The following KIAA0408 variants were observed in gnomAD, a reference collection of about 807,000 sequenced individuals.
The protein encoded by KIAA0408 is uncharacterized protein KIAA0408.
A neutral mutation model predicts 60.9 loss-of-function variants in KIAA0408; 51 were observed. That is an observed-to-expected ratio of 0.84 (90% confidence interval 0.67 to 1.06). KIAA0408 has a LOEUF of 1.06. Ranked by LOEUF, KIAA0408 falls within the 50% of genes least tolerant of loss-of-function variation. The pLI is 0.00. For synonymous variants in KIAA0408, 304 were observed against 282.4 expected (o/e 1.08, Z -0.77); for missense variants, 787 against 833.9 (o/e 0.94, Z 0.69).
At position 127,447,444 on chromosome 6, in the gene KIAA0408, C is replaced by T; in HGVS notation, c.875G>A (p.Arg292Lys). The T allele has an allele frequency of 2.5e-6, 4 of 1,613,936 alleles. No individual in the cohort carries two copies. The South Asian group carries it at 4.4e-5, about 18-fold the overall frequency. The change falls in exon 5 of 6, where the codon AGG (arginine) becomes AAG (lysine). Residue 292 changes from arginine to lysine, a missense_variant. Arg to Lys is a conservative substitution (Grantham distance 26). Around this residue, in one of 3 missense-constraint regions of KIAA0408, gnomAD observed 640 missense variants for 681.3 expected, o/e 0.94. Coordinates refer to ENST00000483725, the MANE Select transcript of KIAA0408 (RefSeq NM_014702.5). ...SEQAYERWKE[R>K]LDHNSWVPHE... ...GGGCACCCAGCTGTTGTGGTCTAAC[C>T]TTTCCTTCCATCTTTCATAGGCTTG... is the stretch of plus-strand genomic sequence containing the variant.
At position 127,439,312 on chromosome 6, in the gene KIAA0408, G is replaced by GCA. The variant is rs1178586888; in HGVS notation, c.*4796_*4797insTG. 1 of 152,154 alleles carries GCA rather than the reference G, an allele frequency of 6.6e-6. No individual in the cohort carries two copies. Among genetic ancestry groups the GCA allele is most frequent in the Non-Finnish European group, 1.5e-5 (1 of 68,038 alleles). The allele number at this position is 152,154 out of a possible 1,614,324, so 9.4% of individuals were successfully genotyped here. On this transcript the variant is annotated 3_prime_UTR_variant, in exon 6 of 6. Coordinates refer to ENST00000483725, the MANE Select transcript of KIAA0408 (RefSeq NM_014702.5). ...AACTATTCTGATTCTTTTGAAGATT[G>GCA]AGGTCAGGATTCAGTTGACGCTAGA... is the stretch of plus-strand genomic sequence containing the variant.
chr6:127,457,994 A>G (rs770457223), intron 1 of KIAA0408, among the ~76,000 whole-genome samples: 2 of 152,188 alleles, frequency 1.3e-5, no homozygotes, highest in Non-Finnish European at 2.9e-5. Context: ...TCCTTTTGCT[A>G]AACATATCAC....
rs1234891311 is a variant in KIAA0408 at position 127,444,181 on chromosome 6, A to C, written c.2013T>G (p.Ser671=). The C allele has an allele frequency of 1.1e-5, 18 of 1,613,864 alleles. No individual in the cohort carries two copies. Among genetic ancestry groups the C allele is most frequent in the Non-Finnish European group, 1.5e-5 (18 of 1,179,894 alleles). Residue 671 remains serine, a synonymous_variant, in exon 6 of 6, where the codon TCT becomes TCG. Coordinates refer to ENST00000483725, the MANE Select transcript of KIAA0408 (RefSeq NM_014702.5). ...LPSRWASRSP[S]APPALRRTTH... is the part of the protein sequence containing the mutation. ...TAGTTCTCCGCAAGGCAGGGGGTGCAGATGGAGATCTGGATGCCCATCTGG... is the reference window on the plus strand; with the variant it reads ...TAGTTCTCCGCAAGGCAGGGGGTGCCGATGGAGATCTGGATGCCCATCTGG...
intron 2 of KIAA0408, among the ~76,000 whole-genome samples, chr6:127,453,624 A>C (rs1254694164): frequency 6.6e-6 from 1 of 152,148 alleles, no homozygotes; most frequent in Non-Finnish European, 1.5e-5. Context: ...GAAACATTAT[A>C]GAGTGACATT....
In KIAA0408 at chr6:127,443,388, T is replaced by A. The variant is rs1773136709; in HGVS notation, c.*721A>T. 1 of 152,154 alleles carries A rather than the reference T, an allele frequency of 6.6e-6. No homozygotes were observed. The highest frequency in any genetic ancestry group is 6.5e-5 in the Admixed American group (1 of 15,268). 9.4% of individuals were successfully genotyped at this position (152,154 alleles called of 1,614,324 possible). ...AGACTACCAAATAATATATAAAACA[T>A]TTATGAACATTTTATGCTTGCTTTA... On this transcript the variant is annotated 3_prime_UTR_variant, in exon 6 of 6. Transcript: ENST00000483725.
intron 4 of KIAA0408, among the ~76,000 whole-genome samples, chr6:127,448,471 T>C (rs1773243068): frequency 6.6e-6 from 1 of 152,198 alleles, no homozygotes; most frequent in African/African-American, 2.4e-5. Flanking sequence ...TCTTGAACCT[T>C]GTTCTAAAGT....
rs562517965 is a variant in KIAA0408, at chr6:127,448,817, A to G, written c.578+1005T>C. 1.3e-3 allele frequency among the ~76,000 whole-genome samples: 191 copies of G among 152,320 alleles called. 1 individual carries two copies. The highest frequency in any genetic ancestry group is 4.4e-3 in the African/African-American group (184 of 41,574). On this transcript the variant is annotated intron_variant, in intron 4 of 5. Coordinates refer to ENST00000483725, the MANE Select transcript of KIAA0408 (RefSeq NM_014702.5). Reference sequence around the variant, plus strand: ...AGCTTCCTAACAACTAATGAAAAATAAGGGAATGTAGGAAGCCTACTGACC... The same window carrying G: ...AGCTTCCTAACAACTAATGAAAAATGAGGGAATGTAGGAAGCCTACTGACC...
At position 127,440,930 on chromosome 6, in the gene KIAA0408, G is replaced by T. The variant is rs1022567961; in HGVS notation, c.*3179C>A. On this transcript the variant is annotated 3_prime_UTR_variant, in exon 6 of 6. Coordinates refer to ENST00000483725, the MANE Select transcript of KIAA0408 (RefSeq NM_014702.5). ...TAGAGATATTTTGGAAGAAGCTAGAGTGAACTGTGTACATATATGAGTTTA... is the reference window on the plus strand; with the variant it reads ...TAGAGATATTTTGGAAGAAGCTAGATTGAACTGTGTACATATATGAGTTTA... 1.3e-5 allele frequency: 2 copies of T among 152,126 alleles called. No homozygotes were observed. Among genetic ancestry groups the T allele is most frequent in the African/African-American group, 4.8e-5 (2 of 41,418 alleles). 9.4% of individuals were successfully genotyped at this position (152,126 alleles called of 1,614,324 possible).
chr6:127,447,311 G>T lies in KIAA0408; in HGVS notation c.1008C>A (p.Ile336=). 1 of 1,613,940 alleles carries T rather than the reference G, an allele frequency of 6.2e-7. No homozygotes were observed. The highest frequency in any genetic ancestry group is 8.5e-7 in the Non-Finnish European group (1 of 1,179,948). ...NEGKTSKDGI[I]FSSLVPEVKI... ...TGACTTCTGGTACCAAAGAGGAAAA[G>T]ATGATACCATCTTTCGAAGTTTTCC... Residue 336 remains isoleucine (I), a synonymous_variant, in exon 5 of 6, where the codon ATC becomes ATA. Coordinates refer to ENST00000483725, the MANE Select transcript of KIAA0408 (RefSeq NM_014702.5).
intron 1 of KIAA0408, among the ~76,000 whole-genome samples, chr6:127,455,009 T>C (rs1773368918): frequency 6.6e-6 from 1 of 152,128 alleles, no homozygotes; most frequent in Admixed American, 6.6e-5. Context: ...AAAATGGGGA[T>C]AGTCATAGAA....
chr6:127,443,229 T>G lies in KIAA0408; in HGVS notation c.*880A>C, dbSNP rs1773133984. The G allele has an allele frequency of 6.6e-6, 1 of 152,140 alleles. No homozygotes were observed. 9.4% of individuals were successfully genotyped at this position (152,140 alleles called of 1,614,324 possible). A position where few individuals can be genotyped will look rare whatever the true frequency, so the allele number is the denominator to read the frequency against. On this transcript the variant is annotated 3_prime_UTR_variant, in exon 6 of 6. Transcript: ENST00000483725. Reference sequence around the variant, plus strand: ...AAAACTAAAATTCAACATCATTCAGTTTCTTTTTGCATCCCATTTAGGAAA... The same window carrying G: ...AAAACTAAAATTCAACATCATTCAGGTTCTTTTTGCATCCCATTTAGGAAA...
rs892376545 is a variant in KIAA0408 at position 127,442,947 on chromosome 6, C to T, written c.*1162G>A. On this transcript the variant is annotated 3_prime_UTR_variant, in exon 6 of 6. Coordinates refer to ENST00000483725, the MANE Select transcript of KIAA0408 (RefSeq NM_014702.5). ...CAAACTGTAGCCAAAATACACATTT[C>T]TATTCCTGATGCTACTGTGGATGTC... 1 of 152,150 alleles carries T rather than the reference C, an allele frequency of 6.6e-6. No individual in the cohort carries two copies. Among genetic ancestry groups the T allele is most frequent in the African/African-American group, 2.4e-5 (1 of 41,446 alleles). The allele number at this position is 152,150 out of a possible 1,614,324, so 9.4% of individuals were successfully genotyped here.
Position 127,439,350 on chromosome 6 carries a change from T to G in KIAA0408, c.*4759A>C, listed in dbSNP as rs3938. ...AGTTGACGCTAGAGATGAATACTGA[T>G]TGGCTATTTATTGGTTTTACTTCAA... On this transcript the variant is annotated 3_prime_UTR_variant, in exon 6 of 6. Coordinates refer to ENST00000483725, the MANE Select transcript of KIAA0408 (RefSeq NM_014702.5). The G allele has an allele frequency of 0.55, 83,412 of 152,024 alleles. 23,785 individuals are homozygous for G. The highest frequency in any genetic ancestry group is 0.59 in the Non-Finnish European group (40,430 of 67,980). 9.4% of individuals were successfully genotyped at this position (152,024 alleles called of 1,614,324 possible). A position where few individuals can be genotyped will look rare whatever the true frequency, so the allele number is the denominator to read the frequency against.
At chr6:127,445,302 T>C (rs1773172236) in intron 5 of KIAA0408, among the ~76,000 whole-genome samples, 1 of 152,204 alleles carries the variant, frequency 6.6e-6, no homozygotes, top group Non-Finnish European at 1.5e-5. Flanking sequence ...TCTTGTTAGT[T>C]AACAAGAATT....
Position 127,440,267 on chromosome 6 carries a change from C to T in KIAA0408, c.*3842G>A, listed in dbSNP as rs1031277619. On this transcript the variant is annotated 3_prime_UTR_variant, in exon 6 of 6. Coordinates refer to ENST00000483725, the MANE Select transcript of KIAA0408 (RefSeq NM_014702.5). ...TTTGCCTTTTTTGCTTTGCAAAGCA[C>T]ATTTTCTTGTAGGAACATATTTTCA... 4 of 150,762 alleles carry T rather than the reference C, an allele frequency of 2.7e-5. No individual in the cohort carries two copies. The highest frequency in any genetic ancestry group is 5.9e-5 in the Non-Finnish European group (4 of 67,804). 9.3% of individuals were successfully genotyped at this position (150,762 alleles called of 1,614,324 possible).
chr6:127,448,296 C>A (rs980015425), intron 4 of KIAA0408, among the ~76,000 whole-genome samples: 1 of 151,768 alleles, frequency 6.6e-6, no homozygotes, highest in South Asian at 2.1e-4. Flanking sequence ...GAGTAAAAGG[C>A]ATATAGGATT....
At position 127,446,900 on chromosome 6, in the gene KIAA0408, C is replaced by G; in HGVS notation, c.1419G>C (p.Lys473Asn). ...HSCSKSSEDL[K>N]PCDTSSTHTG... ...TGTGAGTAGATGAGGTATCACAGGG[C>G]TTGAGATCCTCCGATGATTTTGAGC... The change falls in exon 5 of 6, where the codon AAG (lysine) becomes AAC (asparagine). Residue 473 changes from lysine to asparagine, a missense_variant. Physicochemically the swap from Lys to Asn is moderately conservative, Grantham distance 94. This residue lies in a region of KIAA0408 where 640 missense variants were observed against 681.3 expected (regional missense o/e 0.94). Transcript: ENST00000483725. 6.2e-7 allele frequency: 1 copy of G among 1,614,010 alleles called. No homozygotes were observed. The highest frequency in any genetic ancestry group is 8.5e-7 in the Non-Finnish European group (1 of 1,179,958).
chr6:127,452,259 AACAAAT>A (rs1250419097), intron 2 of KIAA0408, among the ~76,000 whole-genome samples: 2 of 152,196 alleles, frequency 1.3e-5, no homozygotes, highest in Admixed American at 6.6e-5. Context: ...ATAAATGTTA[AACAAAT>A]ACAATCTTTT....
At chr6:127,445,554 G>A (rs1773176773) in intron 5 of KIAA0408, among the ~76,000 whole-genome samples, 1 of 152,168 alleles carries the variant, frequency 6.6e-6, no homozygotes, top group South Asian at 2.1e-4. Flanking sequence ...AAACCATGCT[G>A]CGTACTCACT....
Sources: allele counts gnomAD v4.1 joint callset (sites outside exome capture counted in the v4.1 genomes callset), GRCh38; gene constraint gnomAD v4.1.1; regional missense constraint gnomAD v4.1.1; transcripts MANE v1.5; gene names NCBI Gene and HGNC (gene_info 2026-07-23, HGNC 2026-07-21).